The following CCNY variants were observed in gnomAD, a reference collection of about 807,000 sequenced individuals.
CCNY encodes the protein cyclin Y, also known as cyclin-Y.
A neutral mutation model predicts 42.8 loss-of-function variants in CCNY; 19 were observed. That is an observed-to-expected ratio of 0.44 (90% CI 0.31 to 0.65). The LOEUF (loss-of-function observed/expected upper bound fraction) is 0.65. Ranked by LOEUF, CCNY falls within the 30% of genes least tolerant of loss-of-function variation. The pLI is 0.07. For synonymous variants in CCNY, 165 were observed against 162.7 expected, an observed-to-expected ratio of 1.01 and a Z score of -0.11; for missense variants, 370 against 437.3, an observed-to-expected ratio of 0.85 and a Z score of 1.37.
chr10:35,537,717 CTGTACCCCCAT>C (rs1462630017), intron 7 of CCNY, among the ~76,000 whole-genome samples: 1 of 152,166 alleles, frequency 6.6e-6, no homozygotes, highest in Non-Finnish European at 1.5e-5. Context: ...TACCCATTAC[CTGTACCCCCAT>C]TGTATCTAGG....
chr10:35,552,884 T>C (rs1195504407), intron 7 of CCNY, 135 bp from the exon 8 acceptor site: 1 of 941,578 alleles, frequency 1.1e-6, no homozygotes, highest in African/African-American at 1.6e-5. Context: ...CATTTGGCCT[T>C]TTAAAAATAA....
intron 1 of CCNY, among the ~76,000 whole-genome samples, chr10:35,348,415 G>A (rs920579140): frequency 1.3e-5 from 2 of 152,220 alleles, no homozygotes; most frequent in African/African-American, 4.8e-5. Flanking sequence ...GGCTTCTGAG[G>A]AAGATTGTTG....
intron 7 of CCNY, among the ~76,000 whole-genome samples, chr10:35,544,141 A>G (rs1841063089): frequency 6.6e-6 from 1 of 152,216 alleles, no homozygotes. Context: ...GCCTAAATGT[A>G]CAGCATTTAT....
At chr10:35,478,925 C>G (rs565293921) in intron 1 of CCNY, among the ~76,000 whole-genome samples, 1 of 152,058 alleles carries the variant, frequency 6.6e-6, no homozygotes, top group Admixed American at 6.5e-5. Context: ...GAAAAACAAC[C>G]GCATCAAAAA....
At chr10:35,321,975 A>T (rs764302078) in intron 3 of CCNY, among the ~76,000 whole-genome samples, 8 of 152,220 alleles carry the variant, frequency 5.3e-5, no homozygotes, top group Non-Finnish European at 1.0e-4. Flanking sequence ...GAAAAACTGG[A>T]TATCCATATG....
In CCNY at chr10:35,412,860, C is replaced by CAAAAAAAAA. The variant is rs10558250; in HGVS notation, c.155-70524_155-70516dup. Among the ~76,000 whole-genome samples, 35 of 34,768 alleles carry CAAAAAAAAA rather than the reference C, an allele frequency of 1.0e-3. 2 individuals are homozygous for CAAAAAAAAA. Among genetic ancestry groups the CAAAAAAAAA allele is most frequent in the African/African-American group, 3.4e-3 (34 of 9,898 alleles). 22.8% of individuals were successfully genotyped at this position (34,768 alleles called of 152,430 possible). ...TGGGCGACAGAGCGAGACTCTGTCT[C>CAAAAAAAAA]AAAAAAAAAAAAAAAAAAAAAAAAA... On this transcript the variant is annotated intron_variant, in intron 1 of 9. Transcript: ENST00000374704.
chr10:35,290,222 T>TCACACACACACACACACACACA (rs368209050), intron 3 of CCNY, among the ~76,000 whole-genome samples: 100 of 122,956 alleles, frequency 8.1e-4, no homozygotes, highest in African/African-American at 3.1e-3. Flanking sequence ...CAAGACTCCA[T>TCACACACACACACACACACACA]CACACACACA....
chr10:35,532,705 C>T (rs1840794031), intron 7 of CCNY, among the ~76,000 whole-genome samples: 1 of 152,180 alleles, frequency 6.6e-6, no homozygotes, highest in South Asian at 2.1e-4. Context: ...GCCAGGCCTG[C>T]AGTGAAGTGG....
chr10:35,372,467 A>G (rs1023982631), intron 1 of CCNY, among the ~76,000 whole-genome samples: 1 of 152,290 alleles, frequency 6.6e-6, no homozygotes, highest in Admixed American at 6.5e-5. Context: ...GAGGTCATGC[A>G]TGAAGTGTGG....
intron 3 of CCNY, among the ~76,000 whole-genome samples, chr10:35,324,840 T>C (rs910453490): frequency 6.6e-6 from 1 of 152,234 alleles, no homozygotes; most frequent in Non-Finnish European, 1.5e-5. Context: ...AATTAGCCTA[T>C]ATTTATCCTT....
chr10:35,512,031 T>G (rs1312066126), intron 3 of CCNY, among the ~76,000 whole-genome samples: 2 of 151,884 alleles, frequency 1.3e-5, no homozygotes. Context: ...CAGGTGAGAG[T>G]CCACGTGGCT....
chr10:35,337,234 C>A (rs1381588340), intron 1 of CCNY, 27 bp downstream of exon 1: 1 of 1,479,150 alleles, frequency 6.8e-7, no homozygotes, highest in Admixed American at 2.2e-5. Flanking sequence ...GAGCCCCCTA[C>A]CCGCCCCCGC....
intron 1 of CCNY, among the ~76,000 whole-genome samples, chr10:35,456,215 T>C (rs1162520294): frequency 1.3e-5 from 2 of 152,202 alleles, no homozygotes; most frequent in Non-Finnish European, 1.5e-5. Flanking sequence ...AGATACTTCC[T>C]GTCTTCTTGC....
chr10:35,418,350 C>T (rs905729993), intron 1 of CCNY, among the ~76,000 whole-genome samples: 3 of 152,110 alleles, frequency 2.0e-5, no homozygotes, highest in African/African-American at 7.2e-5. Context: ...ACCACACTTT[C>T]TCAAGGAAAC....
intron 3 of CCNY, among the ~76,000 whole-genome samples, chr10:35,291,700 C>T (rs1835416185): frequency 6.6e-6 from 1 of 151,864 alleles, no homozygotes; most frequent in Non-Finnish European, 1.5e-5. Context: ...CCATGCCCAG[C>T]TAATTTTTGT....
chr10:35,310,862 C>T (rs1039027182), intron 3 of CCNY, among the ~76,000 whole-genome samples: 9 of 152,148 alleles, frequency 5.9e-5, no homozygotes, highest in African/African-American at 2.2e-4. Flanking sequence ...GAGGATTGGC[C>T]GGGAATCGTG....
In CCNY at chr10:35,476,225, C is replaced by T. The variant is rs564653354; in HGVS notation, c.155-7179C>T. ...CCACTGTCAACATTAGACAGATCAA[C>T]GAGACAGAAAGTCAATAAGGATACC... On this transcript the variant is annotated intron_variant, in intron 1 of 9. Coordinates refer to ENST00000374704, the MANE Select transcript of CCNY (RefSeq NM_145012.6). Among the ~76,000 whole-genome samples the T allele has an allele frequency of 1.2e-4, 18 of 152,254 alleles. No individual in the cohort carries two copies. The South Asian group carries it at 3.3e-3, about 28-fold the overall frequency.
chr10:35,437,372 ATTATTAT>A (rs1838560368), intron 1 of CCNY, among the ~76,000 whole-genome samples: 1 of 152,162 alleles, frequency 6.6e-6, no homozygotes, highest in Non-Finnish European at 1.5e-5. Context: ...TTTGCAATAA[ATTATTAT>A]TTGGCTATTT....
intron 3 of CCNY, among the ~76,000 whole-genome samples, chr10:35,266,249 C>CTTT (rs773886027): frequency 4.8e-4 from 53 of 110,124 alleles, no homozygotes; most frequent in South Asian, 9.8e-4. Context: ...GGCTAATTTC[C>CTTT]TTTTTTTTTT....
Sources: allele counts gnomAD v4.1 joint callset (sites outside exome capture counted in the v4.1 genomes callset), GRCh38; gene constraint gnomAD v4.1.1; transcripts MANE v1.5; gene names NCBI Gene and HGNC (gene_info 2026-07-23, HGNC 2026-07-21).